SNTG1: variants seen among roughly 807,000 people sequenced by gnomAD.
SNTG1 encodes the protein gamma-1-syntrophin.
In SNTG1, 39 loss-of-function variants were observed where a neutral mutation model predicts 74.7. The observed-to-expected ratio is 0.52, with a 90% CI of 0.40 to 0.68. SNTG1 has a LOEUF of 0.68. Ranked by LOEUF, SNTG1 falls within the 30% of genes least tolerant of loss-of-function variation. The pLI is 0.00. For missense variants in SNTG1, 685 were observed against 609.5 expected (o/e 1.12, Z -1.30); for synonymous variants, 254 against 217.1 (o/e 1.17, Z -1.49).
At chr8:50,701,743 T>A (rs2095425915) in intron 15 of SNTG1, among the ~76,000 whole-genome samples, 1 of 48,624 alleles carries the variant, frequency 2.1e-5, no homozygotes, top group Admixed American at 2.4e-4. Context: ...TTTCTTTTTC[T>A]TCTCCTTCTT....
intron 2 of SNTG1, among the ~76,000 whole-genome samples, chr8:50,208,825 C>A (rs547020276): frequency 2.0e-5 from 3 of 152,134 alleles, no homozygotes; most frequent in Non-Finnish European, 4.4e-5. Flanking sequence ...CAGTTCCCAG[C>A]GTGAGCGAAG....
chr8:50,268,999 G>T (rs2087631363), intron 2 of SNTG1, among the ~76,000 whole-genome samples: 1 of 152,086 alleles, frequency 6.6e-6, no homozygotes, highest in African/African-American at 2.4e-5. Flanking sequence ...TTTATGGAAG[G>T]TAGGGTGGCC....
intron 1 of SNTG1, among the ~76,000 whole-genome samples, chr8:49,937,088 G>T (rs975282711): frequency 4.6e-5 from 7 of 152,196 alleles, no homozygotes; most frequent in Admixed American, 4.6e-4. Context: ...GGCGGAGGTT[G>T]CAGTGAGCCA....
intron 1 of SNTG1, among the ~76,000 whole-genome samples, chr8:50,069,436 G>A (rs756667810): frequency 9.2e-5 from 14 of 152,040 alleles, no homozygotes; most frequent in Non-Finnish European, 1.6e-4. Context: ...ATTATCCACA[G>A]AATATTTACT....
intron 15 of SNTG1, among the ~76,000 whole-genome samples, chr8:50,694,477 G>A (rs1325168539): frequency 7.9e-5 from 12 of 152,082 alleles, no homozygotes; most frequent in Non-Finnish European, 1.6e-4. Context: ...CCCAAGGCCT[G>A]ATGGCCTCAC....
intron 2 of SNTG1, among the ~76,000 whole-genome samples, chr8:50,265,931 T>C (rs1405202362): frequency 6.6e-6 from 1 of 151,992 alleles, no homozygotes; most frequent in Admixed American, 6.6e-5. Flanking sequence ...TTAAAAGAAA[T>C]TTTTTAAGAA....
chr8:50,639,590 C>A (rs1000555606), intron 13 of SNTG1, among the ~76,000 whole-genome samples: 8 of 151,946 alleles, frequency 5.3e-5, no homozygotes, highest in African/African-American at 1.9e-4. Context: ...TGTGTGCAAT[C>A]ATGCTTATAA....
At chr8:49,934,627 T>C (rs1807893422) in intron 1 of SNTG1, among the ~76,000 whole-genome samples, 1 of 152,176 alleles carries the variant, frequency 6.6e-6, no homozygotes, top group East Asian at 1.9e-4. Flanking sequence ...CTCTGGAATG[T>C]GAAATAATTG....
At chr8:50,695,825 G>T (rs1029158022) in intron 15 of SNTG1, among the ~76,000 whole-genome samples, 22 of 151,392 alleles carry the variant, frequency 1.5e-4, no homozygotes, top group African/African-American at 4.6e-4. Context: ...TGGATGAGTA[G>T]TATTGAATTA....
At chr8:50,212,838 G>C (rs1163827186) in intron 2 of SNTG1, among the ~76,000 whole-genome samples, 2 of 152,286 alleles carry the variant, frequency 1.3e-5, no homozygotes, top group South Asian at 4.1e-4. Context: ...TCCAGCAGCT[G>C]TGTTGTAAGA....
intron 1 of SNTG1, among the ~76,000 whole-genome samples, chr8:49,934,978 G>A (rs984010353): frequency 6.6e-6 from 1 of 151,956 alleles, no homozygotes; most frequent in African/African-American, 2.4e-5. Context: ...TTATCTTCAT[G>A]AGAAAGCATA....
At chr8:50,193,989 A>C (rs2083673128) in intron 2 of SNTG1, among the ~76,000 whole-genome samples, 1 of 152,152 alleles carries the variant, frequency 6.6e-6, no homozygotes, top group Non-Finnish European at 1.5e-5. Context: ...ACTTGTGTAT[A>C]TTAAACCATC....
At chr8:50,696,713 C>T (rs1481863530) in intron 15 of SNTG1, among the ~76,000 whole-genome samples, 1 of 151,960 alleles carries the variant, frequency 6.6e-6, no homozygotes, top group African/African-American at 2.4e-5. Flanking sequence ...AGTGTATATT[C>T]TTGTTGACTT....
intron 2 of SNTG1, among the ~76,000 whole-genome samples, chr8:50,219,161 C>G (rs969517990): frequency 1.3e-5 from 2 of 152,164 alleles, no homozygotes; most frequent in Non-Finnish European, 2.9e-5. Context: ...TAAAGCATTT[C>G]CAATGACAGG....
At position 50,429,468 on chromosome 8, in the gene SNTG1, A is replaced by G. The variant is rs778496023; in HGVS notation, c.163-9075A>G. Among the ~76,000 whole-genome samples, 11 of 152,164 alleles carry G rather than the reference A, an allele frequency of 7.2e-5. No homozygotes were observed. In the South Asian group the frequency reaches 1.5e-3, roughly 20 times the overall value. ...AATTTTGAACCCTACCTCACACCAC[A>G]TACAAAAGTTAATTCAAACTGCATG... On this transcript the variant is annotated intron_variant, in intron 4 of 18. Transcript: ENST00000642720.
chr8:49,962,311 G>A (rs375444396), intron 1 of SNTG1, among the ~76,000 whole-genome samples: 6 of 151,510 alleles, frequency 4.0e-5, no homozygotes, highest in African/African-American at 1.5e-4. Context: ...CTTTTTTGGG[G>A]GGCGGGTGAT....
chr8:50,012,479 G>A lies in SNTG1; in HGVS notation c.-103+100248G>A, dbSNP rs563519096. Among the ~76,000 whole-genome samples, 92 of 152,234 alleles carry A rather than the reference G, an allele frequency of 6.0e-4. 1 individual carries two copies. The highest frequency in any genetic ancestry group is 2.6e-3 in the Admixed American group (40 of 15,284). The stretch of plus-strand genomic sequence containing the variant: ...TTTGTACAAACTTAAAAATTTCAGA[G>A]GTTAGATATTGGCTGTAATTTCCAA... On this transcript the variant is annotated intron_variant, in intron 1 of 18. Transcript: ENST00000642720.
intron 4 of SNTG1, among the ~76,000 whole-genome samples, chr8:50,430,319 A>G (rs1488666953): frequency 6.6e-6 from 1 of 152,178 alleles, no homozygotes; most frequent in Non-Finnish European, 1.5e-5. Flanking sequence ...TTATGCATAA[A>G]CATCAGTATC....
At chr8:50,526,658 TA>T (rs148335784) in intron 9 of SNTG1, among the ~76,000 whole-genome samples, 22,329 of 151,880 alleles carry the variant, frequency 0.15, 2,103 homozygotes, top group Middle Eastern at 0.26. Context: ...TATATATATA[TA>T]TATTTTTTTG....
Sources: gnomAD v4.1 joint callset for allele counts (sites outside exome capture counted in the v4.1 genomes callset) on GRCh38, gnomAD v4.1.1 for gene constraint, MANE v1.5 for transcripts, NCBI Gene and HGNC (gene_info 2026-07-23, HGNC 2026-07-21) for gene names.